Variants in FOXP1 observed in about 807,000 individuals in gnomAD.
FOXP1 encodes the protein forkhead box protein P1.
A neutral mutation model predicts 98.2 loss-of-function variants in FOXP1; 15 were observed. That is an observed-to-expected ratio of 0.15 (90% CI 0.10 to 0.24). The LOEUF is 0.24. Among genes scored for constraint, FOXP1 ranks in the 10% least tolerant of loss-of-function variants. The pLI is 1.00. For missense variants in FOXP1, 633 were observed against 848.5 expected (o/e 0.75, Z 3.15); for synonymous variants, 371 against 314.5 (o/e 1.18, Z -1.90).
At chr3:71,402,180 C>A (rs990689804) in intron 3 of FOXP1, among the ~76,000 whole-genome samples, 1 of 152,176 alleles carries the variant, frequency 6.6e-6, no homozygotes, top group Non-Finnish European at 1.5e-5. Flanking sequence ...ACAGGCCGGG[C>A]GCGGTGGCTC....
chr3:71,481,375 C>T (rs1485406555), intron 3 of FOXP1, among the ~76,000 whole-genome samples: 1 of 152,182 alleles, frequency 6.6e-6, no homozygotes, highest in Admixed American at 6.5e-5. Context: ...ATTGTCTGGC[C>T]AACATCCTGT....
intron 6 of FOXP1, among the ~76,000 whole-genome samples, chr3:71,183,130 C>T (rs1303813135): frequency 2.6e-5 from 4 of 152,038 alleles, no homozygotes; most frequent in African/African-American, 9.7e-5. Context: ...TTTCTGCATG[C>T]CTCACATTAT....
intron 3 of FOXP1, among the ~76,000 whole-genome samples, chr3:71,436,989 A>G (rs1172885437): frequency 6.6e-6 from 1 of 152,218 alleles, no homozygotes; most frequent in Non-Finnish European, 1.5e-5. Flanking sequence ...TTTGGAGTTT[A>G]AGGAAATGGG....
intron 4 of FOXP1, among the ~76,000 whole-genome samples, chr3:71,314,525 T>TA (rs202150001): frequency 6.6e-5 from 9 of 136,548 alleles, no homozygotes; most frequent in East Asian, 5.9e-4. Context: ...AGACTCCGTC[T>TA]AAAAAATATA....
At chr3:71,198,121 C>T (rs1344382756) in intron 6 of FOXP1, 81 bp downstream of exon 6, 4 of 1,613,090 alleles carry the variant, frequency 2.5e-6, no homozygotes, top group East Asian at 2.2e-5. Flanking sequence ...ACACTGATCG[C>T]GAGATCGCGA....
intron 2 of FOXP1, among the ~76,000 whole-genome samples, chr3:71,545,385 C>T (rs2045278549): frequency 6.6e-6 from 1 of 152,308 alleles, no homozygotes; most frequent in East Asian, 1.9e-4. Flanking sequence ...CTTTATTGCA[C>T]ATTTATCATT....
intron 7 of FOXP1, among the ~76,000 whole-genome samples, chr3:71,087,351 A>G (rs2055233933): frequency 6.6e-6 from 1 of 152,230 alleles, no homozygotes; most frequent in East Asian, 1.9e-4. Flanking sequence ...ATGTTAATTG[A>G]TCAAACAACG....
intron 3 of FOXP1, among the ~76,000 whole-genome samples, chr3:71,365,354 G>C (rs1423379727): frequency 6.6e-6 from 1 of 150,782 alleles, no homozygotes; most frequent in Non-Finnish European, 1.5e-5. Flanking sequence ...TTTCCCCTAA[G>C]TCATGCCACC....
chr3:71,562,926 C>T (rs1326774500), intron 2 of FOXP1, among the ~76,000 whole-genome samples: 4 of 152,200 alleles, frequency 2.6e-5, no homozygotes, highest in Non-Finnish European at 1.5e-5. Flanking sequence ...CCCACTCATG[C>T]AATCGCTCCC....
At chr3:71,080,804 CCA>C (rs1234545255) in intron 7 of FOXP1, among the ~76,000 whole-genome samples, 2 of 152,198 alleles carry the variant, frequency 1.3e-5, no homozygotes, top group African/African-American at 4.8e-5. Flanking sequence ...CTCCAAGCAA[CCA>C]TCCTTAACCC....
chr3:70,982,781 A>AACT (rs2039089393), intron 14 of FOXP1, among the ~76,000 whole-genome samples: 2 of 152,286 alleles, frequency 1.3e-5, no homozygotes, highest in South Asian at 4.1e-4. Context: ...TCACATTAAA[A>AACT]AAATAAACTG....
At chr3:71,033,428 G>A (rs1018663271) in intron 11 of FOXP1, among the ~76,000 whole-genome samples, 1 of 151,996 alleles carries the variant, frequency 6.6e-6, no homozygotes. Context: ...CCAGACCCAT[G>A]ATGTCATTTT....
Position 70,955,824 on chromosome 3 carries a change from GCACGCGCGCACACACA to G in FOXP1, c.*3407_*3422del, listed in dbSNP as rs1249891514. The G allele has an allele frequency of 8.9e-5, 19 of 213,270 alleles. No individual in the cohort carries two copies. In the East Asian group the frequency reaches 1.3e-3, roughly 15 times the overall value. The allele number at this position is 213,270 out of a possible 1,614,324, so 13.2% of individuals were successfully genotyped here. The stretch of plus-strand genomic sequence containing the variant: ...TATCAAAAAACAGATTAACACACAC[GCACGCGCGCACACACA>G]CACACACACACACACAAAACCTGTA... On this transcript the variant is annotated 3_prime_UTR_variant, in exon 21 of 21. Coordinates refer to ENST00000649528, the MANE Select transcript of FOXP1 (RefSeq NM_001349338.3).
chr3:71,004,103 A>G (rs2042461338), intron 12 of FOXP1, among the ~76,000 whole-genome samples: 1 of 152,010 alleles, frequency 6.6e-6, no homozygotes, highest in Admixed American at 6.6e-5. Context: ...CCCCAAGTTC[A>G]GAAAATTAAA....
intron 3 of FOXP1, among the ~76,000 whole-genome samples, chr3:71,465,309 GA>G (rs869106717): frequency 2.0e-3 from 229 of 112,164 alleles, no homozygotes; most frequent in East Asian, 0.011. Context: ...CTCTGTCTCA[GA>G]AAAAAAAAAA....
chr3:71,564,317 T>C lies in FOXP1; in HGVS notation c.-298+17232A>G, dbSNP rs936464519. ...TGACTTTTAACCAATAACGATACAA[T>C]AGTAATAATCAGAAAAGCTAACATA... On this transcript the variant is annotated intron_variant, in intron 2 of 20. Transcript: ENST00000649528. 2.0e-5 allele frequency among the ~76,000 whole-genome samples: 3 copies of C among 152,220 alleles called. No homozygotes were observed. In the East Asian group the frequency reaches 5.8e-4, roughly 29 times the overall value.
rs1367129821 is a variant in FOXP1 at position 71,077,501 on chromosome 3, C to G, written c.283-23728G>C. Among the ~76,000 whole-genome samples the G allele has an allele frequency of 2.0e-5, 3 of 152,086 alleles. No individual in the cohort carries two copies. In the East Asian group the frequency reaches 5.8e-4, roughly 29 times the overall value. On this transcript the variant is annotated intron_variant, in intron 7 of 20. Coordinates refer to ENST00000649528, the MANE Select transcript of FOXP1 (RefSeq NM_001349338.3). ...TATTCCTCTGTTAGGCAAAATTATCCTTTTTAACAGGAACGCACATACACA... is the reference window on the plus strand; with the variant it reads ...TATTCCTCTGTTAGGCAAAATTATCGTTTTTAACAGGAACGCACATACACA...
chr3:71,528,694 C>T (rs950043085), intron 2 of FOXP1, among the ~76,000 whole-genome samples: 1 of 152,082 alleles, frequency 6.6e-6, no homozygotes, highest in African/African-American at 2.4e-5. Context: ...GGCTGGACTA[C>T]TTGAACAAGA....
At chr3:71,512,024 T>C (rs749509880) in intron 2 of FOXP1, among the ~76,000 whole-genome samples, 4 of 152,206 alleles carry the variant, frequency 2.6e-5, no homozygotes, top group Non-Finnish European at 5.9e-5. Context: ...CCAAGTGCAG[T>C]GCTCAGCCCT....
Sources: gnomAD v4.1 joint callset for allele counts (sites outside exome capture counted in the v4.1 genomes callset) on GRCh38, gnomAD v4.1.1 for gene constraint, MANE v1.5 for transcripts, NCBI Gene and HGNC (gene_info 2026-07-23, HGNC 2026-07-21) for gene names.